PTPRT: variants seen among roughly 807,000 people sequenced by gnomAD.
PTPRT encodes the protein receptor-type tyrosine-protein phosphatase T.
In PTPRT, 56 loss-of-function variants were observed where a neutral mutation model predicts 176.8. The observed-to-expected ratio is 0.32, with a 90% CI of 0.26 to 0.40. The LOEUF is 0.40. Among genes scored for constraint, PTPRT ranks in the 10% least tolerant of loss-of-function variants. The pLI is 1.00. For synonymous variants in PTPRT, 783 were observed against 739.0 expected (o/e 1.06, Z -0.96); for missense variants, 1,540 against 1,908.2 (o/e 0.81, Z 3.60).
intron 1 of PTPRT, among the ~76,000 whole-genome samples, chr20:43,114,911 G>T (rs771239659): frequency 7.9e-5 from 12 of 152,072 alleles, no homozygotes; most frequent in Non-Finnish European, 1.6e-4. Flanking sequence ...CTGAAAACTA[G>T]TTATTTATTT....
At chr20:42,066,684 T>A in the PTPRT span, among the ~76,000 whole-genome samples, 631 of 152,322 alleles carry the variant, frequency 4.1e-3, 5 homozygotes, top group African/African-American at 0.014. Flanking sequence ...GCAGGTCAAC[T>A]TGGGTTTTCT....
intron 18 of PTPRT, among the ~76,000 whole-genome samples, chr20:42,129,452 G>A (rs17221137): frequency 0.24 from 35,990 of 152,126 alleles, 4,640 homozygotes; most frequent in Non-Finnish European, 0.29. Context: ...GCTTTATTTG[G>A]TAGCATGCTT....
At chr20:42,091,779 C>T (rs989030453) in intron 27 of PTPRT, among the ~76,000 whole-genome samples, 1 of 151,428 alleles carries the variant, frequency 6.6e-6, no homozygotes, top group Non-Finnish European at 1.5e-5. Flanking sequence ...AAGACAGGGA[C>T]AGAGGGAGAA....
At chr20:42,883,827 C>T (rs1302344635) in intron 2 of PTPRT, among the ~76,000 whole-genome samples, 14 of 134,754 alleles carry the variant, frequency 1.0e-4, no homozygotes, top group East Asian at 2.2e-4. Context: ...TATGCACACA[C>T]ACACACCCCC....
intron 26 of PTPRT, among the ~76,000 whole-genome samples, chr20:42,098,915 G>A (rs963329087): frequency 1.3e-5 from 2 of 152,228 alleles, no homozygotes; most frequent in Admixed American, 6.5e-5. Flanking sequence ...GGGATTGGCC[G>A]CATCCCTGTG....
chr20:42,773,384 T>C (rs1355493391), intron 4 of PTPRT, among the ~76,000 whole-genome samples: 1 of 152,154 alleles, frequency 6.6e-6, no homozygotes, highest in Non-Finnish European at 1.5e-5. Context: ...AGTCTGACAC[T>C]GTTTGTAGGA....
chr20:42,172,660 A>G (rs1172298385), intron 16 of PTPRT, among the ~76,000 whole-genome samples: 1 of 152,218 alleles, frequency 6.6e-6, no homozygotes, highest in African/African-American at 2.4e-5. Context: ...GTACAATATT[A>G]TAACCAGAAA....
At position 42,536,863 on chromosome 20, in the gene PTPRT, T is replaced by A. The variant is rs538950770; in HGVS notation, c.1154-64301A>T. 5.5e-4 allele frequency among the ~76,000 whole-genome samples: 84 copies of A among 152,308 alleles called. 2 individuals are homozygous for A. The highest frequency in any genetic ancestry group is 5.2e-3 in the Admixed American group (80 of 15,298). ...TGGTAGAGCCACTGAGGAGATCAAT[T>A]TGGCAAGACCTATATCTAAAGCACT... On this transcript the variant is annotated intron_variant, in intron 7 of 30. Transcript: ENST00000373187.
chr20:42,366,339 C>T (rs2058513811), intron 9 of PTPRT, among the ~76,000 whole-genome samples: 1 of 152,192 alleles, frequency 6.6e-6, no homozygotes, highest in African/African-American at 2.4e-5. Context: ...CCTCCCAGAC[C>T]CCTGCCCCAG....
chr20:43,070,968 TAAAAAA>T (rs11474990), intron 1 of PTPRT, among the ~76,000 whole-genome samples: 1 of 122,888 alleles, frequency 8.1e-6, no homozygotes, highest in Non-Finnish European at 1.7e-5. Context: ...AAAGTATAAT[TAAAAAA>T]AAAAAAAAAA....
intron 7 of PTPRT, among the ~76,000 whole-genome samples, chr20:42,545,129 C>G (rs532606347): frequency 2.0e-5 from 3 of 152,218 alleles, no homozygotes; most frequent in Non-Finnish European, 4.4e-5. Context: ...CACTTCAGAC[C>G]TGCCTGGATC....
chr20:42,901,058 G>A (rs1295180827), intron 1 of PTPRT, among the ~76,000 whole-genome samples: 1 of 152,194 alleles, frequency 6.6e-6, no homozygotes, highest in Non-Finnish European at 1.5e-5. Flanking sequence ...CGTCACAGCT[G>A]TAGATCATGC....
In PTPRT at chr20:42,075,424, T is replaced by C. The variant is rs1453534589; in HGVS notation, c.*5455A>G. On this transcript the variant is annotated 3_prime_UTR_variant, in exon 31 of 31. Transcript: ENST00000373187. ...TTGACATGACTTAGGAACAGCGTCCTGTTCATGCTTCCTCTTGGGCTCACC... is the reference window on the plus strand; with the variant it reads ...TTGACATGACTTAGGAACAGCGTCCCGTTCATGCTTCCTCTTGGGCTCACC... The C allele has an allele frequency of 1.3e-5, 3 of 227,040 alleles. No individual in the cohort carries two copies. Among genetic ancestry groups the C allele is most frequent in the Non-Finnish European group, 1.8e-5 (2 of 114,186 alleles). 14.1% of individuals were successfully genotyped at this position (227,040 alleles called of 1,614,324 possible).
chr20:42,698,097 C>A (rs187527303), intron 6 of PTPRT, among the ~76,000 whole-genome samples: 2 of 152,242 alleles, frequency 1.3e-5, no homozygotes, highest in Non-Finnish European at 2.9e-5. Context: ...AACTTCCTCT[C>A]CTACCTTTGA....
chr20:42,439,469 A>G (rs751278091), intron 9 of PTPRT, among the ~76,000 whole-genome samples: 2 of 152,186 alleles, frequency 1.3e-5, no homozygotes, highest in African/African-American at 4.8e-5. Flanking sequence ...AGCAACCTTG[A>G]GGGAAAAAAG....
chr20:42,771,019 C>T (rs1402829232), intron 5 of PTPRT, among the ~76,000 whole-genome samples: 1 of 152,208 alleles, frequency 6.6e-6, no homozygotes, highest in Admixed American at 6.5e-5. Flanking sequence ...TTCATCATAG[C>T]ACACACTTTC....
chr20:42,807,274 A>G (rs1006485134), intron 2 of PTPRT, among the ~76,000 whole-genome samples: 1 of 152,154 alleles, frequency 6.6e-6, no homozygotes, highest in Non-Finnish European at 1.5e-5. Flanking sequence ...TTTTCCGACC[A>G]TTCCTATTAG....
intron 1 of PTPRT, among the ~76,000 whole-genome samples, chr20:42,959,037 T>C (rs760637533): frequency 7.9e-5 from 12 of 152,334 alleles, no homozygotes; most frequent in Middle Eastern, 3.4e-3. Flanking sequence ...TTCTCAACTA[T>C]TCTTTTATAG....
chr20:43,135,320 C>G (rs1031346857), intron 1 of PTPRT, among the ~76,000 whole-genome samples: 1 of 152,090 alleles, frequency 6.6e-6, no homozygotes, highest in Admixed American at 6.5e-5. Context: ...AAAACGTGAA[C>G]ACACATAAAA....
Sources: allele counts gnomAD v4.1 joint callset (sites outside exome capture counted in the v4.1 genomes callset), GRCh38; gene constraint gnomAD v4.1.1; transcripts MANE v1.5; gene names NCBI Gene and HGNC (gene_info 2026-07-23, HGNC 2026-07-21).